The following POU6F2 variants were observed in gnomAD, a reference collection of about 807,000 sequenced individuals.
POU6F2 encodes the protein POU class 6 homeobox 2.
POU6F2 carries 31 observed loss-of-function variants against 71.3 expected under a neutral mutation model. The ratio of observed to expected loss-of-function variants is 0.43; its 90% CI spans 0.33 to 0.59. The LOEUF is 0.59. POU6F2 is among the 20% of genes least tolerant of loss of function. POU6F2 has a pLI of 0.04. For synonymous variants in POU6F2, 347 were observed against 355.7 expected (o/e 0.98, Z 0.27); for missense variants, 783 against 856.8 (o/e 0.91, Z 1.07).
At chr7:39,193,647 T>G (rs1793715966) in intron 2 of POU6F2, among the ~76,000 whole-genome samples, 1 of 152,196 alleles carries the variant, frequency 6.6e-6, no homozygotes, top group Non-Finnish European at 1.5e-5. Context: ...CTGTGAAGAT[T>G]TAATGAGAAA....
chr7:39,372,902 G>GATAATA (rs145782806), intron 5 of POU6F2, among the ~76,000 whole-genome samples: 1 of 150,730 alleles, frequency 6.6e-6, no homozygotes, highest in Admixed American at 6.6e-5. Context: ...TAATAGTAAG[G>GATAATA]ATAATAATAA....
At chr7:39,019,649 CTTTTTTT>C (rs70977448) in intron 1 of POU6F2, among the ~76,000 whole-genome samples, 2 of 137,796 alleles carry the variant, frequency 1.5e-5, no homozygotes, top group African/African-American at 2.7e-5. Context: ...TTTCTTTTTT[CTTTTTTT>C]TTTTTTTTAA....
At chr7:39,013,220 T>G (rs1026565782) in intron 1 of POU6F2, 1 of 153,770 alleles carries the variant, frequency 6.5e-6, no homozygotes, top group Non-Finnish European at 1.4e-5. Context: ...GTGCGGGATA[T>G]AATCTTGTGG....
intron 2 of POU6F2, among the ~76,000 whole-genome samples, chr7:39,152,590 T>C (rs1792784318): frequency 6.6e-6 from 1 of 152,172 alleles, no homozygotes; most frequent in African/African-American, 2.4e-5. Flanking sequence ...CTGAGATTCC[T>C]AAGGTCATTC....
At chr7:39,094,718 A>AG (rs1434400300) in intron 2 of POU6F2, among the ~76,000 whole-genome samples, 1 of 151,826 alleles carries the variant, frequency 6.6e-6, no homozygotes, top group East Asian at 1.9e-4. Context: ...GCAGAAGAGA[A>AG]GCTAAGGGGT....
chr7:39,368,779 A>G (rs1459372150), intron 5 of POU6F2, among the ~76,000 whole-genome samples: 1 of 152,192 alleles, frequency 6.6e-6, no homozygotes, highest in East Asian at 1.9e-4. Flanking sequence ...ATGATGCTAA[A>G]TCAACTCTAC....
At chr7:39,101,597 G>A (rs994317247) in intron 2 of POU6F2, among the ~76,000 whole-genome samples, 6 of 151,868 alleles carry the variant, frequency 4.0e-5, no homozygotes, top group South Asian at 2.1e-4. Flanking sequence ...GGGAGATGTC[G>A]GTCAAAGGGT....
intron 2 of POU6F2, among the ~76,000 whole-genome samples, chr7:39,105,535 T>G (rs974493817): frequency 6.6e-6 from 1 of 152,038 alleles, no homozygotes; most frequent in Non-Finnish European, 1.5e-5. Flanking sequence ...ATAATATCTA[T>G]CAAGAAGTCT....
chr7:38,996,246 G>A (rs763997474), intron 1 of POU6F2, among the ~76,000 whole-genome samples: 87 of 151,802 alleles, frequency 5.7e-4, no homozygotes, highest in Non-Finnish European at 8.1e-4. Flanking sequence ...TCACCATGTT[G>A]GCCAGGCTGG....
At chr7:38,998,314 C>G (rs574595330) in intron 1 of POU6F2, among the ~76,000 whole-genome samples, 1 of 152,300 alleles carries the variant, frequency 6.6e-6, no homozygotes, top group South Asian at 2.1e-4. Context: ...TGTTCTCTAT[C>G]AGGTACATTC....
chr7:39,122,001 C>G (rs1409776105), intron 2 of POU6F2, among the ~76,000 whole-genome samples: 1 of 152,148 alleles, frequency 6.6e-6, no homozygotes, highest in African/African-American at 2.4e-5. Context: ...ACCCAGCCTA[C>G]AGATAGTATT....
At chr7:39,038,830 T>C (rs1790119097) in intron 1 of POU6F2, among the ~76,000 whole-genome samples, 1 of 151,978 alleles carries the variant, frequency 6.6e-6, no homozygotes, top group Non-Finnish European at 1.5e-5. Context: ...TTTAGTTGTT[T>C]CTTTGTGATT....
At position 39,151,596 on chromosome 7, in the gene POU6F2, A is replaced by G. The variant is rs144011682; in HGVS notation, c.278-52639A>G. Among the ~76,000 whole-genome samples the G allele has an allele frequency of 3.2e-4, 49 of 152,314 alleles. No individual in the cohort carries two copies. The East Asian group carries it at 8.9e-3, about 28-fold the overall frequency. Reference sequence around the variant, plus strand: ...GCTCTCCGGTGGCAGTACAAGATCTATGACCCCTTTTTTTAAAAGGAGACA... The same window carrying G: ...GCTCTCCGGTGGCAGTACAAGATCTGTGACCCCTTTTTTTAAAAGGAGACA... On this transcript the variant is annotated intron_variant, in intron 2 of 9. Coordinates refer to ENST00000518318, the MANE Select transcript of POU6F2 (RefSeq NM_001370959.1).
chr7:39,254,065 C>T (rs527550528), intron 4 of POU6F2, among the ~76,000 whole-genome samples: 2 of 152,246 alleles, frequency 1.3e-5, no homozygotes, highest in African/African-American at 2.4e-5. Context: ...CATGCTACCT[C>T]GTGTCATAAT....
intron 4 of POU6F2, among the ~76,000 whole-genome samples, chr7:39,287,346 G>T (rs1784669218): frequency 6.6e-6 from 1 of 152,100 alleles, no homozygotes; most frequent in Non-Finnish European, 1.5e-5. Flanking sequence ...CAAAGTCCCG[G>T]TTCCCTCCCC....
intron 1 of POU6F2, among the ~76,000 whole-genome samples, chr7:39,068,233 G>A (rs1027562376): frequency 6.6e-6 from 1 of 152,006 alleles, no homozygotes; most frequent in Non-Finnish European, 1.5e-5. Flanking sequence ...AAAATTACAA[G>A]AAGTGAAATA....
At chr7:38,997,811 C>T (rs182210305) in intron 1 of POU6F2, among the ~76,000 whole-genome samples, 371 of 152,288 alleles carry the variant, frequency 2.4e-3, no homozygotes, top group Admixed American at 7.9e-3. Context: ...TGATAAGTTG[C>T]TCCTTCCCTG....
At chr7:39,095,557 A>G (rs1791437834) in intron 2 of POU6F2, among the ~76,000 whole-genome samples, 1 of 152,182 alleles carries the variant, frequency 6.6e-6, no homozygotes, top group South Asian at 2.1e-4. Flanking sequence ...TTTTATAATG[A>G]TACAATAACC....
intron 9 of POU6F2, among the ~76,000 whole-genome samples, chr7:39,461,736 G>T (rs1010890286): frequency 7.9e-5 from 12 of 152,132 alleles, no homozygotes; most frequent in African/African-American, 2.9e-4. Flanking sequence ...CCCATTGATT[G>T]TTGTTAAATA....
Sources: allele counts gnomAD v4.1 joint callset (sites outside exome capture counted in the v4.1 genomes callset), GRCh38; gene constraint gnomAD v4.1.1; transcripts MANE v1.5; gene names NCBI Gene and HGNC (gene_info 2026-07-23, HGNC 2026-07-21).